MUC6: variants seen among roughly 807,000 people sequenced by gnomAD.
MUC6 encodes mucin 6, oligomeric mucus/gel-forming (gene/pseudogene).
A neutral mutation model predicts 201.5 loss-of-function variants in MUC6; 188 were observed. The ratio of observed to expected loss-of-function variants is 0.93; its 90% CI spans 0.83 to 1.05. The LOEUF (loss-of-function observed/expected upper bound fraction) is 1.05. MUC6 is among the 50% of genes least tolerant of loss of function. The probability of loss-of-function intolerance (pLI) is 0.00; values close to 1 mark genes in which losing one functional copy is unlikely to be tolerated. For synonymous variants in MUC6, 1,228 were observed against 1,389.4 expected (o/e 0.88, Z 2.58); for missense variants, 2,706 against 3,256.9 (o/e 0.83, Z 4.12).
chr11:1,023,054 T>TGTGAATGAGCGTGAATATG (rs1491236217), intron 26 of MUC6, among the ~76,000 whole-genome samples: 5 of 148,676 alleles, frequency 3.4e-5, no homozygotes, highest in Non-Finnish European at 7.5e-5. Context: ...CGTGAATGAA[T>TGTGAATGAGCGTGAATATG]GTGAATGAGC....
chr11:1,034,715 G>T (rs1456661423), intron 1 of MUC6, among the ~76,000 whole-genome samples: 1 of 152,210 alleles, frequency 6.6e-6, no homozygotes. Context: ...CCGATGGGGG[G>T]TGGCACTTGG....
Position 1,016,293 on chromosome 11 carries a change from C to T in MUC6, c.6508G>A (p.Val2170Met), listed in dbSNP as rs200684481. Residue 2170 changes from valine (V) to methionine (M), a missense_variant, in exon 31 of 33, where the codon GTG becomes ATG. By Grantham distance (21) the Val-to-Met change is conservative (BLOSUM62 1). Around this residue, in one of 10 missense-constraint regions of MUC6, gnomAD observed 586 missense variants for 488.0 expected, o/e 1.20. Transcript: ENST00000421673. ...GTSSSFVSAP[V>M]HSTTLSSGSH... Reference sequence around the variant, plus strand: ...CCCGAGCTCAGGGTTGTGGAGTGCACGGGGGCGGACACGAAAGAGGAAGAT... The same window carrying T: ...CCCGAGCTCAGGGTTGTGGAGTGCATGGGGGCGGACACGAAAGAGGAAGAT... 4.3e-5 allele frequency: 70 copies of T among 1,611,856 alleles called. 1 individual carries two copies. The highest frequency in any genetic ancestry group is 2.5e-4 in the Admixed American group (15 of 59,702).
At position 1,031,652 on chromosome 11, in the gene MUC6, C is replaced by T; in HGVS notation, c.438G>A (p.Leu146=). 5.2e-6 allele frequency: 8 copies of T among 1,550,598 alleles called. No individual in the cohort carries two copies. Among genetic ancestry groups the T allele is most frequent in the Non-Finnish European group, 6.1e-6 (7 of 1,147,060 alleles). ...GQSVRLVAKQ[L]ELELEVVWGP... ...CCCACACGACTTCCAGCTCCAGCTC[C>T]AGCTGCTTGGCCACCAGCCGCACGC... Residue 146 remains leucine, a synonymous_variant, in exon 4 of 33, where the codon CTG becomes CTA. Coordinates refer to ENST00000421673, the MANE Select transcript of MUC6 (RefSeq NM_005961.3).
At position 1,027,414 on chromosome 11, in the gene MUC6, G is replaced by A. The variant is rs757118896; in HGVS notation, c.2085C>T (p.Ala695=). The A allele has an allele frequency of 6.2e-7, 1 of 1,612,700 alleles. No individual in the cohort carries two copies. Among genetic ancestry groups the A allele is most frequent in the Non-Finnish European group, 8.5e-7 (1 of 1,179,824 alleles). ...GGCAGTTGCAACCGTCCACGGGCACGGCGCTGTGGTGGCACTCGGTGGCAC... is the reference window on the plus strand; with the variant it reads ...GGCAGTTGCAACCGTCCACGGGCACAGCGCTGTGGTGGCACTCGGTGGCAC... ...SDRATECHHS[A]VPVDGCNCPD... Residue 695 remains alanine (A), a synonymous_variant, in exon 17 of 33, where the codon GCC becomes GCT. Transcript: ENST00000421673.
chr11:1,015,833 A>C lies in MUC6; in HGVS notation c.6968T>G (p.Leu2323Arg). ...SPTTRFLTSS[L>R]TAHGSTPASA... is the part of the protein sequence containing the mutation. ...AGCAGGGGTGCTTCCATGGGCAGTG[A>C]GGGAGCTGGTCAGGAACCGTGTGGT... The change falls in exon 31 of 33, where the codon CTC (leucine) becomes CGC (arginine). Residue 2323 changes from leucine to arginine, a missense_variant. This residue lies in a region of MUC6 where 586 missense variants were observed against 488.0 expected (regional missense o/e 1.20). Transcript: ENST00000421673. 6.3e-7 allele frequency: 1 copy of C among 1,587,304 alleles called. No homozygotes were observed. The highest frequency in any genetic ancestry group is 1.7e-4 in the Middle Eastern group (1 of 5,910).
Sources: gnomAD v4.1 joint callset for allele counts (sites outside exome capture counted in the v4.1 genomes callset) on GRCh38, gnomAD v4.1.1 for gene constraint, gnomAD v4.1.1 regional missense constraint, MANE v1.5 for transcripts, NCBI Gene and HGNC (gene_info 2026-07-23, HGNC 2026-07-21) for gene names.